ZNF385B: variants seen among roughly 807,000 people sequenced by gnomAD.
The protein encoded by ZNF385B is zinc finger protein 533.
Under a neutral mutation model 39.2 loss-of-function variants are expected in ZNF385B, and 23 were observed. The ratio of observed to expected loss-of-function variants is 0.59; its 90% CI spans 0.42 to 0.83. ZNF385B has a LOEUF of 0.83. Among genes scored for constraint, ZNF385B ranks in the 40% least tolerant of loss-of-function variants. The pLI is 0.00. For synonymous variants in ZNF385B, 205 were observed against 222.6 expected, an observed-to-expected ratio of 0.92 and a Z score of 0.70; for missense variants, 552 against 598.9, an observed-to-expected ratio of 0.92 and a Z score of 0.82.
chr2:179,763,426 T>C (rs981601382), intron 3 of ZNF385B, among the ~76,000 whole-genome samples: 4 of 152,320 alleles, frequency 2.6e-5, no homozygotes, highest in African/African-American at 9.6e-5. Flanking sequence ...ATTTCATTGA[T>C]TTTTCTTTCT....
chr2:179,478,904 G>A (rs1559301845), intron 6 of ZNF385B, among the ~76,000 whole-genome samples: 1 of 152,134 alleles, frequency 6.6e-6, no homozygotes, highest in Non-Finnish European at 1.5e-5. Context: ...GAAGTGTATT[G>A]TCATATGGCA....
intron 6 of ZNF385B, among the ~76,000 whole-genome samples, chr2:179,465,174 C>T (rs1408334750): frequency 6.6e-6 from 1 of 152,088 alleles, no homozygotes; most frequent in Non-Finnish European, 1.5e-5. Flanking sequence ...GAAATTTCCC[C>T]TGACTGGTTC....
intron 3 of ZNF385B, among the ~76,000 whole-genome samples, chr2:179,729,782 C>T (rs900490974): frequency 6.6e-6 from 1 of 152,128 alleles, no homozygotes; most frequent in Non-Finnish European, 1.5e-5. Flanking sequence ...GCGGTTCCCC[C>T]AAGCTGTTTT....
intron 5 of ZNF385B, among the ~76,000 whole-genome samples, chr2:179,511,272 G>C (rs1240825291): frequency 6.6e-6 from 1 of 152,148 alleles, no homozygotes; most frequent in Admixed American, 6.6e-5. Flanking sequence ...GGTCTCTGCT[G>C]GGTGACAGAG....
intron 3 of ZNF385B, among the ~76,000 whole-genome samples, chr2:179,600,792 G>A (rs762778067): frequency 9.9e-5 from 15 of 152,032 alleles, no homozygotes; most frequent in Middle Eastern, 3.2e-3. Flanking sequence ...AACCAACCCC[G>A]TGTTATTTAC....
intron 3 of ZNF385B, among the ~76,000 whole-genome samples, chr2:179,621,003 T>C (rs1333676460): frequency 2.0e-5 from 3 of 152,122 alleles, no homozygotes; most frequent in East Asian, 1.9e-4. Flanking sequence ...AGATAGTTAG[T>C]GTGTTTGCTG....
intron 3 of ZNF385B, among the ~76,000 whole-genome samples, chr2:179,605,616 T>G (rs1354876913): frequency 6.6e-6 from 1 of 152,126 alleles, no homozygotes; most frequent in African/African-American, 2.4e-5. Context: ...AGGCTCTGAA[T>G]AGCTATATTT....
At chr2:179,835,373 C>T (rs749236959) in intron 1 of ZNF385B, among the ~76,000 whole-genome samples, 1 of 152,096 alleles carries the variant, frequency 6.6e-6, no homozygotes, top group Non-Finnish European at 1.5e-5. Flanking sequence ...GGTGGAAACC[C>T]TTGAGGTAAT....
chr2:179,842,621 T>C (rs565220314), intron 1 of ZNF385B, among the ~76,000 whole-genome samples: 2 of 152,206 alleles, frequency 1.3e-5, no homozygotes, highest in Admixed American at 1.3e-4. Context: ...AAAATTCATA[T>C]GTTCCTACAA....
chr2:179,811,782 CA>C (rs1282573903), intron 1 of ZNF385B, among the ~76,000 whole-genome samples: 5 of 150,818 alleles, frequency 3.3e-5, no homozygotes, highest in Non-Finnish European at 7.4e-5. Flanking sequence ...GCCACACACA[CA>C]AAAAAAAATT....
intron 5 of ZNF385B, among the ~76,000 whole-genome samples, chr2:179,504,453 C>G (rs2057062654): frequency 6.6e-6 from 1 of 152,172 alleles, no homozygotes; most frequent in Non-Finnish European, 1.5e-5. Context: ...AATCGCCACA[C>G]TGACTTCCAC....
At chr2:179,659,992 ACT>A (rs1261393039) in intron 3 of ZNF385B, 6 of 152,618 alleles carry the variant, frequency 3.9e-5, no homozygotes, top group Admixed American at 2.0e-4. Flanking sequence ...AATCTGTATA[ACT>A]CTGGAAAATT....
intron 3 of ZNF385B, among the ~76,000 whole-genome samples, chr2:179,627,294 G>T (rs573159796): frequency 8.5e-5 from 13 of 152,208 alleles, no homozygotes; most frequent in African/African-American, 3.1e-4. Flanking sequence ...CAGACCAAGA[G>T]TTCTTCTCCC....
chr2:179,669,264 T>G (rs1486603322), intron 3 of ZNF385B, among the ~76,000 whole-genome samples: 1 of 152,208 alleles, frequency 6.6e-6, no homozygotes, highest in Non-Finnish European at 1.5e-5. Context: ...GTTCTGGCCC[T>G]GCAGCCGGAC....
chr2:179,747,498 G>A (rs1214654235), intron 3 of ZNF385B, among the ~76,000 whole-genome samples: 1 of 152,084 alleles, frequency 6.6e-6, no homozygotes, highest in African/African-American at 2.4e-5. Context: ...CTTTGCAATT[G>A]TTCAGTGTCC....
chr2:179,747,495 A>T (rs1325124513), intron 3 of ZNF385B, among the ~76,000 whole-genome samples: 1 of 152,096 alleles, frequency 6.6e-6, no homozygotes, highest in African/African-American at 2.4e-5. Context: ...TGACTTTGCA[A>T]TTGTTCAGTG....
chr2:179,638,344 G>C (rs1306345337), intron 3 of ZNF385B, among the ~76,000 whole-genome samples: 1 of 152,160 alleles, frequency 6.6e-6, no homozygotes, highest in Non-Finnish European at 1.5e-5. Flanking sequence ...ACTATATGTA[G>C]AGAGACAAAT....
chr2:179,711,937 T>C (rs1257594184), intron 3 of ZNF385B, among the ~76,000 whole-genome samples: 1 of 146,432 alleles, frequency 6.8e-6, no homozygotes, highest in East Asian at 2.2e-4. Context: ...TTCGGCCTAC[T>C]GCCACTGGAC....
chr2:179,773,860 G>A (rs1704151654), intron 1 of ZNF385B, among the ~76,000 whole-genome samples: 1 of 152,188 alleles, frequency 6.6e-6, no homozygotes, highest in South Asian at 2.1e-4. Flanking sequence ...TAAAAACTAT[G>A]TTTTATTCAT....
Sources: gnomAD v4.1 joint callset for allele counts (sites outside exome capture counted in the v4.1 genomes callset) on GRCh38, gnomAD v4.1.1 for gene constraint, MANE v1.5 for transcripts, NCBI Gene and HGNC (gene_info 2026-07-23, HGNC 2026-07-21) for gene names.